FOXP2: variants seen among roughly 807,000 people sequenced by gnomAD.
FOXP2 encodes the protein forkhead box P2.
A neutral mutation model predicts 115.8 loss-of-function variants in FOXP2; 12 were observed. The ratio of observed to expected loss-of-function variants is 0.10; its 90% CI spans 0.07 to 0.17. The LOEUF is 0.17. Ranked by LOEUF, FOXP2 falls within the 10% of genes least tolerant of loss-of-function variation. FOXP2 has a pLI of 1.00. For synonymous variants in FOXP2, 328 were observed against 297.7 expected, an observed-to-expected ratio of 1.10 and a Z score of -1.05; for missense variants, 629 against 843.5, an observed-to-expected ratio of 0.75 and a Z score of 3.15.
rs111785829 is a variant in FOXP2, at chr7:114,310,513, T to TA, written c.-11+22404_-11+22405insA. Reference sequence around the variant, plus strand: ...AGCATAGTAGCAGATTAGCTGTCTTTTTTTTTTTTTTAAGTGGGTGTACAG... The same window carrying TA: ...AGCATAGTAGCAGATTAGCTGTCTTTATTTTTTTTTTTAAGTGGGTGTACAG... On this transcript the variant is annotated intron_variant, in intron 2 of 17. Transcript: ENST00000634411. Among the ~76,000 whole-genome samples the TA allele has an allele frequency of 1.4e-3, 219 of 151,398 alleles. 1 individual carries two copies. Among genetic ancestry groups the TA allele is most frequent in the African/African-American group, 4.9e-3 (204 of 41,350 alleles).
intron 2 of FOXP2, among the ~76,000 whole-genome samples, chr7:114,458,541 C>A (rs374295440): frequency 1.7e-5 from 2 of 115,194 alleles, no homozygotes; most frequent in South Asian, 5.6e-4. Context: ...ATGATATTTT[C>A]TTTTCTTTTT....
chr7:114,396,431 T>C (rs1792741942), intron 2 of FOXP2, among the ~76,000 whole-genome samples: 1 of 152,166 alleles, frequency 6.6e-6, no homozygotes, highest in Non-Finnish European at 1.5e-5. Flanking sequence ...GTCTTGGCTA[T>C]TGTGAACAGT....
At chr7:114,225,250 CA>C (rs1352684739) in intron 1 of FOXP2, among the ~76,000 whole-genome samples, 19 of 152,080 alleles carry the variant, frequency 1.2e-4, no homozygotes, top group African/African-American at 3.6e-4. Context: ...TGAGTTCCTT[CA>C]AAGTTTGCTA....
At chr7:114,155,409 C>T (rs1161791114) in intron 1 of FOXP2, among the ~76,000 whole-genome samples, 1 of 152,118 alleles carries the variant, frequency 6.6e-6, no homozygotes, top group Non-Finnish European at 1.5e-5. Context: ...TCTAGTATAG[C>T]ATCACATGAC....
chr7:114,253,194 G>A (rs1012069542), intron 1 of FOXP2, among the ~76,000 whole-genome samples: 8 of 152,112 alleles, frequency 5.3e-5, no homozygotes, highest in Non-Finnish European at 7.3e-5. Context: ...TATTTGCTGA[G>A]GAGTGCTTTA....
chr7:114,543,074 C>T (rs559050950), intron 3 of FOXP2, among the ~76,000 whole-genome samples: 2 of 151,988 alleles, frequency 1.3e-5, no homozygotes, highest in African/African-American at 4.8e-5. Flanking sequence ...AGCCACCATA[C>T]CCGGCCTGTT....
intron 2 of FOXP2, among the ~76,000 whole-genome samples, chr7:114,531,355 T>C (rs1206345748): frequency 6.6e-6 from 1 of 151,900 alleles, no homozygotes; most frequent in Non-Finnish European, 1.5e-5. Context: ...TTTATATTGA[T>C]GGAAGTGTTT....
intron 1 of FOXP2, among the ~76,000 whole-genome samples, chr7:114,194,935 G>GCAGAA (rs1793865822): frequency 6.6e-6 from 1 of 152,052 alleles, no homozygotes. Context: ...TGCTTTATGT[G>GCAGAA]TCAGAATAGT....
chr7:114,565,201 A>C (rs1800951536), intron 3 of FOXP2, among the ~76,000 whole-genome samples: 1 of 152,004 alleles, frequency 6.6e-6, no homozygotes, highest in Admixed American at 6.6e-5. Context: ...AGTCCATGCA[A>C]ATGGCACTTA....
At chr7:114,186,284 G>C (rs143290048) in intron 1 of FOXP2, among the ~76,000 whole-genome samples, 1 of 152,216 alleles carries the variant, frequency 6.6e-6, no homozygotes, top group East Asian at 1.9e-4. Flanking sequence ...AAAGTGTAGA[G>C]TTTCACATAT....
intron 1 of FOXP2, among the ~76,000 whole-genome samples, chr7:114,152,541 G>A (rs932673518): frequency 6.6e-6 from 1 of 152,092 alleles, no homozygotes; most frequent in African/African-American, 2.4e-5. Context: ...CAAATCTGTT[G>A]TTTTGTCATT....
intron 1 of FOXP2, among the ~76,000 whole-genome samples, chr7:114,206,589 G>T (rs1794207590): frequency 6.6e-6 from 1 of 151,890 alleles, no homozygotes; most frequent in East Asian, 1.9e-4. Flanking sequence ...TTTCCTTCAT[G>T]ATCTTATTAC....
At chr7:114,128,857 G>T (rs1455504329) in intron 1 of FOXP2, among the ~76,000 whole-genome samples, 2 of 152,112 alleles carry the variant, frequency 1.3e-5, no homozygotes, top group African/African-American at 4.8e-5. Flanking sequence ...ACCAAATACA[G>T]CATCATAATA....
chr7:114,509,541 G>A (rs1205451532), intron 2 of FOXP2, among the ~76,000 whole-genome samples: 1 of 152,084 alleles, frequency 6.6e-6, no homozygotes, highest in Non-Finnish European at 1.5e-5. Context: ...GTTAATTTTT[G>A]ATAGGTTGAT....
At chr7:114,149,741 G>A (rs1792480761) in intron 1 of FOXP2, among the ~76,000 whole-genome samples, 1 of 151,998 alleles carries the variant, frequency 6.6e-6, no homozygotes, top group East Asian at 1.9e-4. Context: ...GTAAGTATGT[G>A]TTAAAATAAG....
chr7:114,213,772 A>AT (rs1056445457), intron 1 of FOXP2, among the ~76,000 whole-genome samples: 2 of 152,186 alleles, frequency 1.3e-5, no homozygotes, highest in Non-Finnish European at 2.9e-5. Context: ...GTATAAAAAT[A>AT]TTTTAAGTTA....
chr7:114,241,157 TTGAG>T (rs1371819318), intron 1 of FOXP2, among the ~76,000 whole-genome samples: 7 of 152,078 alleles, frequency 4.6e-5, no homozygotes, highest in East Asian at 1.9e-4. Context: ...CAAGCACTTA[TTGAG>T]TGTTTACTTT....
chr7:114,157,893 T>C (rs1244584260), intron 1 of FOXP2, among the ~76,000 whole-genome samples: 1 of 152,070 alleles, frequency 6.6e-6, no homozygotes, highest in African/African-American at 2.4e-5. Flanking sequence ...AAACTATCAT[T>C]ATAGTAGTAG....
chr7:114,660,339 A>G (rs968608647), intron 13 of FOXP2, among the ~76,000 whole-genome samples: 5 of 152,212 alleles, frequency 3.3e-5, no homozygotes, highest in African/African-American at 1.2e-4. Flanking sequence ...CTCAGCACAG[A>G]CTAAGTGAAC....
Sources: gnomAD v4.1 joint callset for allele counts (sites outside exome capture counted in the v4.1 genomes callset) on GRCh38, gnomAD v4.1.1 for gene constraint, MANE v1.5 for transcripts, NCBI Gene and HGNC (gene_info 2026-07-23, HGNC 2026-07-21) for gene names.